The following SNX14 variants were observed in gnomAD, a reference collection of about 807,000 sequenced individuals.
SNX14 encodes the protein sorting nexin 14.
SNX14 carries 93 observed loss-of-function variants against 133.8 expected under a neutral mutation model. The ratio of observed to expected loss-of-function variants is 0.70; its 90% CI spans 0.59 to 0.83. The LOEUF (loss-of-function observed/expected upper bound fraction) is 0.83, where lower values mean the gene tolerates loss of function less well. Ranked by LOEUF, SNX14 falls within the 40% of genes least tolerant of loss-of-function variation. The pLI, the probability that SNX14 is intolerant of heterozygous loss-of-function variation, is 0.00. For synonymous variants in SNX14, 368 were observed against 365.6 expected (o/e 1.01, Z -0.07); for missense variants, 945 against 1,094.9 (o/e 0.86, Z 1.93).
At chr6:85,586,235 G>C (rs1197548922) in intron 1 of SNX14, among the ~76,000 whole-genome samples, 1 of 152,158 alleles carries the variant, frequency 6.6e-6, no homozygotes, top group Admixed American at 6.5e-5. Flanking sequence ...ACCTGTTTTT[G>C]TATGCCCCTC....
At position 85,565,256 on chromosome 6, in the gene SNX14, A is replaced by G. The variant is rs987486507; in HGVS notation, c.549+76T>C. ...AAATATGTACATTTGCCATGTACTC[A>G]CAAAAAATTGTTTTAAATCTCTTTC... On this transcript the variant is annotated intron_variant, in intron 6 of 28. Coordinates refer to ENST00000314673, the MANE Select transcript of SNX14 (RefSeq NM_153816.6). 7.9e-6 allele frequency: 7 copies of G among 889,234 alleles called. No individual in the cohort carries two copies. The Admixed American group carries it at 8.1e-5, about 10-fold the overall frequency. The allele number at this position is 889,234 out of a possible 1,614,324, so 55.1% of individuals were successfully genotyped here.
At chr6:85,533,483 C>G in intron 18 of SNX14, 116 bp downstream of exon 18, 1 of 940,434 alleles carries the variant, frequency 1.1e-6, no homozygotes, top group South Asian at 1.7e-5. Context: ...GGACACTTCT[C>G]TTTTGGATAT....
rs547803199 is a variant in SNX14 at position 85,591,638 on chromosome 6, T to C, written c.140+1941A>G. Reference sequence around the variant, plus strand: ...TCAGAAATCTAGTTTAACCTGCTCCTACTAGATGGCTCTCCTACCTTAGAA... The same window carrying C: ...TCAGAAATCTAGTTTAACCTGCTCCCACTAGATGGCTCTCCTACCTTAGAA... On this transcript the variant is annotated intron_variant, in intron 1 of 28. Coordinates refer to ENST00000314673, the MANE Select transcript of SNX14 (RefSeq NM_153816.6). Among the ~76,000 whole-genome samples, 31 of 152,338 alleles carry C rather than the reference T, an allele frequency of 2.0e-4. No individual in the cohort carries two copies. In the South Asian group the frequency reaches 5.6e-3, roughly 27 times the overall value.
intron 26 of SNX14, among the ~76,000 whole-genome samples, chr6:85,509,203 G>T (rs1582438950): frequency 6.6e-6 from 1 of 152,174 alleles, no homozygotes; most frequent in East Asian, 1.9e-4. Flanking sequence ...GTCTTAAAGT[G>T]AATGTGGTTT....
At chr6:85,583,632 G>A (rs949730556) in intron 1 of SNX14, among the ~76,000 whole-genome samples, 23 of 152,148 alleles carry the variant, frequency 1.5e-4, no homozygotes, top group African/African-American at 5.6e-4. Flanking sequence ...AATCATGAGT[G>A]AACTCCCATT....
At chr6:85,519,020 T>C (rs773859921) in intron 21 of SNX14, among the ~76,000 whole-genome samples, 11 of 152,230 alleles carry the variant, frequency 7.2e-5, no homozygotes, top group Non-Finnish European at 1.3e-4. Flanking sequence ...CTGCTCTTAA[T>C]GTATCCCCTA....
intron 26 of SNX14, among the ~76,000 whole-genome samples, chr6:85,511,121 A>T (rs184824749): frequency 6.6e-6 from 1 of 152,220 alleles, no homozygotes; most frequent in Non-Finnish European, 1.5e-5. Flanking sequence ...TTCTCATATA[A>T]ATCTTGTGCA....
intron 9 of SNX14, among the ~76,000 whole-genome samples, chr6:85,547,820 A>T (rs1272050060): frequency 1.3e-5 from 2 of 152,228 alleles, no homozygotes; most frequent in Non-Finnish European, 2.9e-5. Context: ...TCAAAATCTC[A>T]CTGGATCAAA....
At chr6:85,555,013 G>A (rs1378542188) in intron 7 of SNX14, among the ~76,000 whole-genome samples, 1 of 151,784 alleles carries the variant, frequency 6.6e-6, no homozygotes, top group South Asian at 2.1e-4. Flanking sequence ...GTAGAGACAG[G>A]GTATCACTAT....
At chr6:85,508,918 A>T (rs1771764309) in intron 26 of SNX14, among the ~76,000 whole-genome samples, 1 of 152,226 alleles carries the variant, frequency 6.6e-6, no homozygotes, top group Admixed American at 6.5e-5. Context: ...GTCATAAAAA[A>T]TTCTAATGCT....
intron 7 of SNX14, among the ~76,000 whole-genome samples, chr6:85,551,320 T>C (rs1204486991): frequency 6.6e-6 from 1 of 152,148 alleles, no homozygotes; most frequent in Non-Finnish European, 1.5e-5. Context: ...CAAAACCAGT[T>C]CCTGCTGTTG....
In SNX14 at chr6:85,514,235, C is replaced by T; in HGVS notation, c.2393-1G>A. ...TCAGGAACCTGGAAAACTACCCGTC[C>T]TGAGAAAGGATCAAATGGGATACCT... On this transcript the variant is annotated splice_acceptor_variant, in intron 24 of 28. Transcript: ENST00000314673. LOFTEE classifies it high-confidence loss of function. 1 of 1,607,944 alleles carries T rather than the reference C, an allele frequency of 6.2e-7. No homozygotes were observed. The highest frequency in any genetic ancestry group is 8.5e-7 in the Non-Finnish European group (1 of 1,178,246).
chr6:85,590,347 AT>A, intron 1 of SNX14, among the ~76,000 whole-genome samples: 2 of 152,256 alleles, frequency 1.3e-5, no homozygotes, highest in African/African-American at 4.8e-5. Context: ...CCTTTGTGAC[AT>A]TTTTTCCAAA....
At position 85,566,031 on chromosome 6, in the gene SNX14, T is replaced by C. The variant is rs112889668; in HGVS notation, c.462-612A>G. On this transcript the variant is annotated intron_variant, in intron 5 of 28. Transcript: ENST00000314673. ...TATCTTGAACTCAAAGACGGTGTTG[T>C]TAACTTTCTTGGCAGAATAGGAAAG... is the stretch of plus-strand genomic sequence containing the variant. 2.9e-3 allele frequency among the ~76,000 whole-genome samples: 440 copies of C among 152,342 alleles called. 5 individuals are homozygous for C. Among genetic ancestry groups the C allele is most frequent in the African/African-American group, 0.01 (416 of 41,584 alleles).
At chr6:85,517,655 A>G in intron 23 of SNX14, 101 bp downstream of exon 23, 1 of 1,359,888 alleles carries the variant, frequency 7.4e-7, no homozygotes, top group Non-Finnish European at 9.9e-7. Context: ...GTATAGCTCA[A>G]TCCATTTCAT....
intron 1 of SNX14, among the ~76,000 whole-genome samples, chr6:85,580,314 T>C (rs1322877151): frequency 6.6e-6 from 1 of 151,986 alleles, no homozygotes; most frequent in African/African-American, 2.4e-5. Flanking sequence ...TAAAGAGACT[T>C]TGGACTGAAT....
At chr6:85,537,747 G>A (rs753791388) in intron 16 of SNX14, among the ~76,000 whole-genome samples, 7 of 152,142 alleles carry the variant, frequency 4.6e-5, no homozygotes, top group Non-Finnish European at 1.0e-4. Context: ...TCAAGAGTTC[G>A]AGACCAGCCT....
intron 6 of SNX14, among the ~76,000 whole-genome samples, chr6:85,562,678 C>T (rs1222371077): frequency 1.0e-4 from 15 of 147,504 alleles, no homozygotes; most frequent in African/African-American, 3.5e-4. Context: ...TAACTTCCAC[C>T]GCCCAGGTTC....
At chr6:85,509,875 C>G (rs1772189324) in intron 26 of SNX14, among the ~76,000 whole-genome samples, 1 of 152,152 alleles carries the variant, frequency 6.6e-6, no homozygotes, top group Admixed American at 6.5e-5. Context: ...TCCAAAACAG[C>G]AGATAGTTGA....
Sources: allele counts gnomAD v4.1 joint callset (sites outside exome capture counted in the v4.1 genomes callset), GRCh38; gene constraint gnomAD v4.1.1; transcripts MANE v1.5; gene names NCBI Gene and HGNC (gene_info 2026-07-23, HGNC 2026-07-21).